The following C5orf34 variants were observed in gnomAD, a reference collection of about 807,000 sequenced individuals.
C5orf34 encodes the protein chromosome 5 open reading frame 34.
Under a neutral mutation model 78.4 loss-of-function variants are expected in C5orf34, and 73 were observed. That is an observed-to-expected ratio of 0.93 (90% CI 0.77 to 1.13). The LOEUF is 1.13. Among genes scored for constraint, C5orf34 ranks in the 50% most tolerant of loss-of-function variants. C5orf34 has a pLI of 0.00. For synonymous variants in C5orf34, 251 were observed against 246.6 expected (o/e 1.02, Z -0.17); for missense variants, 730 against 732.7 (o/e 1.00, Z 0.04).
At position 43,492,720 on chromosome 5, in the gene C5orf34, C is replaced by T; in HGVS notation, c.1485G>A (p.Gln495=). The T allele has an allele frequency of 6.2e-7, 1 of 1,609,918 alleles. No homozygotes were observed. Among genetic ancestry groups the T allele is most frequent in the Non-Finnish European group, 8.5e-7 (1 of 1,177,840 alleles). The change falls in exon 9 of 13, where the codon CAG becomes CAA. Residue 495 remains glutamine (Q), a splice_region_variant and synonymous_variant. Transcript: ENST00000306862. ...AGATCTAAGTCTGAAGTATACCCAC[C>T]TGTCTCTTCTCAATAGGAGAGCTGA... The part of the protein sequence containing the change: ...WNFSSPIEKR[Q]VNQGLNLGWC...
chr5:43,510,970 G>A (rs80104072), intron 1 of C5orf34: 119,183 of 182,504 alleles, frequency 0.65, 30,775 homozygotes, highest in Admixed American at 0.75. Flanking sequence ...ACCTCTTCCC[G>A]GCCGCCATCC....
chr5:43,512,044 A>G (rs1429604379), intron 1 of C5orf34, among the ~76,000 whole-genome samples: 1 of 152,024 alleles, frequency 6.6e-6, no homozygotes, highest in Non-Finnish European at 1.5e-5. Context: ...AAAAAAAAAA[A>G]AAGAGTTGGG....
chr5:43,511,873 C>T (rs1746275309), intron 1 of C5orf34, among the ~76,000 whole-genome samples: 1 of 152,008 alleles, frequency 6.6e-6, no homozygotes, highest in South Asian at 2.1e-4. Flanking sequence ...TCTCAAGTAC[C>T]CAGGGACACA....
chr5:43,512,627 C>A (rs1039515888), intron 1 of C5orf34, among the ~76,000 whole-genome samples: 1 of 152,184 alleles, frequency 6.6e-6, no homozygotes, highest in Non-Finnish European at 1.5e-5. Context: ...TTCTTCTTCA[C>A]TTCTACCTGT....
chr5:43,502,943 G>A (rs890541687), intron 5 of C5orf34, among the ~76,000 whole-genome samples: 7 of 152,290 alleles, frequency 4.6e-5, no homozygotes, highest in Admixed American at 4.6e-4. Context: ...AGAAAAGATG[G>A]CTGTACCTGG....
chr5:43,488,112 C>T, intron 11 of C5orf34, 163 bp from the exon 12 acceptor site: 1 of 602,382 alleles, frequency 1.7e-6, no homozygotes, highest in South Asian at 2.1e-5. Flanking sequence ...ATCAACTTGA[C>T]TCAACTGATA....
intron 6 of C5orf34, chr5:43,495,500 A>G: frequency 1.9e-6 from 3 of 1,607,736 alleles, no homozygotes; most frequent in Non-Finnish European, 2.6e-6. Flanking sequence ...GCCACGACGA[A>G]CATCCTTGAC....
At chr5:43,507,556 A>C (rs1249043112) in intron 3 of C5orf34, among the ~76,000 whole-genome samples, 1 of 152,242 alleles carries the variant, frequency 6.6e-6, no homozygotes, top group East Asian at 1.9e-4. Context: ...TTACCATTCT[A>C]GGCTAAGTTA....
At position 43,487,875 on chromosome 5, in the gene C5orf34, TTATG is replaced by T. The variant is rs1745127328; in HGVS notation, c.1720+30_1720+33del. The T allele has an allele frequency of 2.0e-6, 3 of 1,511,576 alleles. No individual in the cohort carries two copies. The African/African-American group carries it at 4.1e-5, about 21-fold the overall frequency. 93.6% of individuals were successfully genotyped at this position (1,511,576 alleles called of 1,614,324 possible). On this transcript the variant is annotated intron_variant, in intron 12 of 12. Transcript: ENST00000306862. The stretch of plus-strand genomic sequence containing the variant: ...TTAAGCCTAGAATGAAAGAGAGTAA[TTATG>T]TAGGACAGTGCATTCTGTTTAAAGG...
Position 43,486,967 on chromosome 5 carries a change from GT to G in C5orf34, c.1864del (p.Thr622ProfsTer?). On this transcript the variant is annotated frameshift_variant, in exon 13 of 13. Transcript: ENST00000306862. LOFTEE classifies it high-confidence loss of function. The part of the protein sequence containing the change: ...ENRVSIALKK[T>X]SEILHDIDCL... ...GTCAATATCGTGAAGGATTTCAGAG[GT>G]TTTTTTCAATGCTATTGATACTCTA... The G allele has an allele frequency of 3.2e-6, 5 of 1,564,642 alleles. No individual in the cohort carries two copies. The highest frequency in any genetic ancestry group is 2.4e-5 in the East Asian group (1 of 42,354).
At chr5:43,508,744 C>G in intron 2 of C5orf34, 78 bp from the exon 3 acceptor site, 4 of 876,726 alleles carry the variant, frequency 4.6e-6, no homozygotes, top group Non-Finnish European at 7.5e-6. Context: ...ACAGTATAAT[C>G]CATAATACTA....
intron 3 of C5orf34, 115 bp from the exon 4 acceptor site, chr5:43,506,509 A>G (rs1024668722): frequency 1.9e-6 from 2 of 1,032,422 alleles, no homozygotes; most frequent in Non-Finnish European, 2.7e-6. Context: ...GTGTTTTACT[A>G]TCTACAGAGA....
rs193097326 is a variant in C5orf34 at position 43,495,067 on chromosome 5, T to A, written c.1153-466A>T. On this transcript the variant is annotated intron_variant, in intron 6 of 12. Transcript: ENST00000306862. ...AGAGTTGGGTGGCAGGTATTAGGGATAATATTCATTTAGCCTTCTGAGCTG... is the reference window on the plus strand; with the variant it reads ...AGAGTTGGGTGGCAGGTATTAGGGAAAATATTCATTTAGCCTTCTGAGCTG... 8.7e-5 allele frequency: 128 copies of A among 1,476,714 alleles called. 1 individual carries two copies. In the Admixed American group the frequency reaches 2.1e-3, roughly 24 times the overall value. The allele number at this position is 1,476,714 out of a possible 1,614,324, so 91.5% of individuals were successfully genotyped here. A position where few individuals can be genotyped will look rare whatever the true frequency, so the allele number is the denominator to read the frequency against.
chr5:43,495,851 T>C (rs1340061436), intron 6 of C5orf34: 6 of 1,593,010 alleles, frequency 3.8e-6, no homozygotes, highest in African/African-American at 2.7e-5. Context: ...AGCACTCGGC[T>C]CCAGCATGTT....
At chr5:43,509,472 G>T in intron 1 of C5orf34, 97 bp from the exon 2 acceptor site, 1 of 633,704 alleles carries the variant, frequency 1.6e-6, no homozygotes, top group Non-Finnish European at 2.6e-6. Context: ...AGATGACATT[G>T]CCATTGCATT....
intron 11 of C5orf34, 89 bp from the exon 12 acceptor site, chr5:43,488,038 C>A: frequency 1.0e-6 from 1 of 954,366 alleles, no homozygotes; most frequent in African/African-American, 1.7e-5. Flanking sequence ...CTTTTTTTTT[C>A]ATTAGAATTT....
rs1579853380 is a variant in C5orf34 at position 43,490,555 on chromosome 5, A to T, written c.1679+76T>A. On this transcript the variant is annotated intron_variant, in intron 11 of 12. Coordinates refer to ENST00000306862, the MANE Select transcript of C5orf34 (RefSeq NM_198566.4). ...AAGTTTTTTTGGGGAAAAAAGTCTC[A>T]GTTTACCATTTGACATTTTAATTTT... 5.4e-6 allele frequency: 5 copies of T among 930,814 alleles called. No homozygotes were observed. In the East Asian group the frequency reaches 1.1e-4, roughly 20 times the overall value. 57.7% of individuals were successfully genotyped at this position (930,814 alleles called of 1,614,324 possible).
intron 6 of C5orf34, among the ~76,000 whole-genome samples, chr5:43,498,725 T>G (rs1745643636): frequency 6.6e-6 from 1 of 152,204 alleles, no homozygotes; most frequent in Non-Finnish European, 1.5e-5. Context: ...GTTTTACCTC[T>G]TCCCCACCCA....
intron 11 of C5orf34, chr5:43,490,262 A>G (rs1745225063): frequency 5.9e-6 from 1 of 169,798 alleles, no homozygotes; most frequent in African/African-American, 2.4e-5. Flanking sequence ...ATGTTTTCTG[A>G]AAGCTTATGT....
Sources: allele counts gnomAD v4.1 joint callset (sites outside exome capture counted in the v4.1 genomes callset), GRCh38; gene constraint gnomAD v4.1.1; transcripts MANE v1.5; gene names NCBI Gene and HGNC (gene_info 2026-07-23, HGNC 2026-07-21).